The following SKP1 variants were observed in gnomAD, a reference collection of about 807,000 sequenced individuals.
The protein encoded by SKP1 is S-phase kinase associated protein 1.
SKP1 carries 1 observed loss-of-function variant against 21.5 expected under a neutral mutation model. The ratio of observed to expected loss-of-function variants is 0.05; its 90% CI spans 0.02 to 0.22. The LOEUF is 0.22. Among genes scored for constraint, SKP1 ranks in the 10% least tolerant of loss-of-function variants. The pLI is 1.00. For synonymous variants in SKP1, 59 were observed against 59.3 expected, an observed-to-expected ratio of 0.99 and a Z score of 0.03; for missense variants, 70 against 192.0, an observed-to-expected ratio of 0.36 and a Z score of 3.76.
rs975430540 is a variant in SKP1, at chr5:134,157,542, A to G, written c.*191T>C. ...GAAAAAAGAAACTTTCCATCATACTAGAAGAAACTTGGCCGTAAGGTTTGG... is the reference window on the plus strand; with the variant it reads ...GAAAAAAGAAACTTTCCATCATACTGGAAGAAACTTGGCCGTAAGGTTTGG... On this transcript the variant is annotated 3_prime_UTR_variant, in exon 6 of 6. Coordinates refer to ENST00000353411, the MANE Select transcript of SKP1 (RefSeq NM_170679.3). The G allele has an allele frequency of 9.2e-5, 53 of 579,158 alleles. No homozygotes were observed. Among genetic ancestry groups the G allele is most frequent in the Non-Finnish European group, 2.2e-5 (7 of 322,742 alleles). The allele number at this position is 579,158 out of a possible 1,614,324, so 35.9% of individuals were successfully genotyped here. A position where few individuals can be genotyped will look rare whatever the true frequency, so the allele number is the denominator to read the frequency against.
chr5:134,174,503 G>T, intron 1 of SKP1: 1 of 982,260 alleles, frequency 1.0e-6, no homozygotes, highest in Non-Finnish European at 1.2e-6. Context: ...ATCAGAATAT[G>T]CTCATTTATG....
At chr5:134,173,313 C>T (rs942635440) in intron 2 of SKP1, 6 of 172,314 alleles carry the variant, frequency 3.5e-5, no homozygotes, top group African/African-American at 4.8e-5. Flanking sequence ...GGTTGGGCAA[C>T]AAGAGCAAAA....
rs1761075719 is a variant in SKP1, at chr5:134,153,597, A to C, written c.*4136T>G. On this transcript the variant is annotated 3_prime_UTR_variant, in exon 6 of 6. Coordinates refer to ENST00000353411, the MANE Select transcript of SKP1 (RefSeq NM_170679.3). Reference sequence around the variant, plus strand: ...TTCAAAAGCTAATGGTGGCAAGCAAAAGTTAAGCTTGTAAAGGGTGCTGAG... The same window carrying C: ...TTCAAAAGCTAATGGTGGCAAGCAACAGTTAAGCTTGTAAAGGGTGCTGAG... 1 of 152,222 alleles carries C rather than the reference A, an allele frequency of 6.6e-6. No homozygotes were observed. The highest frequency in any genetic ancestry group is 1.5e-5 in the Non-Finnish European group (1 of 68,050). The allele number at this position is 152,222 out of a possible 1,614,324, so 9.4% of individuals were successfully genotyped here.
chr5:134,166,633 T>A (rs1308271294), intron 3 of SKP1, among the ~76,000 whole-genome samples: 4 of 150,278 alleles, frequency 2.7e-5, no homozygotes, highest in Non-Finnish European at 5.9e-5. Context: ...TATACTTACT[T>A]GTTAATACCT....
In SKP1 at chr5:134,157,948, T is replaced by G. The variant is rs765335372; in HGVS notation, c.457-180A>C. 2.0e-5 allele frequency: 31 copies of G among 1,528,584 alleles called. No homozygotes were observed. The East Asian group carries it at 6.7e-4, about 33-fold the overall frequency. 94.7% of individuals were successfully genotyped at this position (1,528,584 alleles called of 1,614,324 possible). A position where few individuals can be genotyped will look rare whatever the true frequency, so the allele number is the denominator to read the frequency against. ...TTCCTTTCTTTGCCTCCCATGGTTT[T>G]TATTCTGCCCTGCTGAAATTATGAA... On this transcript the variant is annotated intron_variant, in intron 5 of 5. Transcript: ENST00000353411.
intron 2 of SKP1, among the ~76,000 whole-genome samples, chr5:134,172,343 C>A (rs183988108): frequency 6.6e-6 from 1 of 152,342 alleles, no homozygotes; most frequent in African/African-American, 2.4e-5. Context: ...TCTTTCCCTA[C>A]ATAAAAAACC....
chr5:134,159,187 G>A (rs1016888779), intron 4 of SKP1, among the ~76,000 whole-genome samples: 7 of 152,084 alleles, frequency 4.6e-5, no homozygotes, highest in Non-Finnish European at 8.8e-5. Context: ...TTCTTTAGCT[G>A]CATCTCACCG....
rs1761070399 is a variant in SKP1 at position 134,153,220 on chromosome 5, C to T, written c.*4513G>A. 1 of 152,106 alleles carries T rather than the reference C, an allele frequency of 6.6e-6. No individual in the cohort carries two copies. Among genetic ancestry groups the T allele is most frequent in the African/African-American group, 2.4e-5 (1 of 41,390 alleles). 9.4% of individuals were successfully genotyped at this position (152,106 alleles called of 1,614,324 possible). ...GGTGCTGTGGCTCACATCTGTAATACCAGCACTTTGGGAGGTTGAGGCAGG... is the reference window on the plus strand; with the variant it reads ...GGTGCTGTGGCTCACATCTGTAATATCAGCACTTTGGGAGGTTGAGGCAGG... On this transcript the variant is annotated 3_prime_UTR_variant, in exon 6 of 6. Transcript: ENST00000353411.
intron 2 of SKP1, 38 bp from the exon 3 acceptor site, chr5:134,167,281 C>T (rs1295037864): frequency 4.0e-6 from 5 of 1,265,186 alleles, no homozygotes; most frequent in African/African-American, 1.5e-5. Flanking sequence ...TTCCTAATTC[C>T]ATTATAATAC....
chr5:134,159,428 T>G (rs1212949367), intron 4 of SKP1, among the ~76,000 whole-genome samples: 2 of 152,336 alleles, frequency 1.3e-5, no homozygotes, highest in East Asian at 1.9e-4. Context: ...TCACCCAGGC[T>G]GGAATTCAGT....
At chr5:134,174,290 A>T (rs778101666) in intron 1 of SKP1, among the ~76,000 whole-genome samples, 1 of 152,268 alleles carries the variant, frequency 6.6e-6, no homozygotes, top group Non-Finnish European at 1.5e-5. Context: ...AAATTTAATA[A>T]AACATACATA....
At chr5:134,162,387 T>C (rs1006266649) in intron 3 of SKP1, among the ~76,000 whole-genome samples, 7 of 152,044 alleles carry the variant, frequency 4.6e-5, no homozygotes, top group African/African-American at 7.3e-5. Flanking sequence ...CCACTGTGCC[T>C]GGCCAGCGAA....
At chr5:134,158,049 G>A (rs1761150722) in intron 5 of SKP1, 1 of 1,460,720 alleles carries the variant, frequency 6.8e-7, no homozygotes, top group East Asian at 2.9e-5. Flanking sequence ...ATTTCAGTCT[G>A]TAGTCATGTC....
At position 134,167,644 on chromosome 5, in the gene SKP1, T is replaced by TC. The variant is rs575832423; in HGVS notation, c.98-402dup. ...TTCACACCATTCTCCTGCCTCAGCC[T>TC]CCCCGAGTAGCTGGGACTATAGGCA... On this transcript the variant is annotated intron_variant, in intron 2 of 5. Coordinates refer to ENST00000353411, the MANE Select transcript of SKP1 (RefSeq NM_170679.3). 5.1e-3 allele frequency among the ~76,000 whole-genome samples: 771 copies of TC among 151,664 alleles called. 3 individuals are homozygous for TC. The highest frequency in any genetic ancestry group is 8.3e-3 in the Non-Finnish European group (566 of 67,896).
chr5:134,167,049 A>AT, intron 3 of SKP1, 121 bp downstream of exon 3: 1 of 623,372 alleles, frequency 1.6e-6, no homozygotes, highest in Non-Finnish European at 2.9e-6. Flanking sequence ...GAACATTCAA[A>AT]TTTAAATGTA....
intron 4 of SKP1, 76 bp from the exon 5 acceptor site, chr5:134,158,671 C>T (rs771665837): frequency 5.3e-5 from 64 of 1,210,782 alleles, no homozygotes; most frequent in East Asian, 7.0e-5. Context: ...ATTGACACTC[C>T]GTATCTAATA....
chr5:134,173,862 T>C (rs1761490069), intron 2 of SKP1, 64 bp downstream of exon 2: 1 of 899,578 alleles, frequency 1.1e-6, no homozygotes, highest in African/African-American at 1.6e-5. Flanking sequence ...TCATATAAAT[T>C]TGATATTCAC....
At chr5:134,176,221 G>C (rs912911779) in intron 1 of SKP1, among the ~76,000 whole-genome samples, 1 of 152,192 alleles carries the variant, frequency 6.6e-6, no homozygotes, top group African/African-American at 2.4e-5. Context: ...ACGACTCCAA[G>C]TCATGGCAAA....
chr5:134,170,702 A>G (rs953119878), intron 2 of SKP1, among the ~76,000 whole-genome samples: 2 of 152,244 alleles, frequency 1.3e-5, no homozygotes, highest in Non-Finnish European at 2.9e-5. Context: ...AAGGCAACAG[A>G]GTAAAAGAAT....
Sources: gnomAD v4.1 joint callset for allele counts (sites outside exome capture counted in the v4.1 genomes callset) on GRCh38, gnomAD v4.1.1 for gene constraint, MANE v1.5 for transcripts, NCBI Gene and HGNC (gene_info 2026-07-23, HGNC 2026-07-21) for gene names.